Variants in ROR1 observed in about 807,000 individuals in gnomAD.
ROR1 encodes inactive tyrosine-protein kinase transmembrane receptor ROR1.
ROR1 carries 19 observed loss-of-function variants against 78.8 expected under a neutral mutation model. That is an observed-to-expected ratio of 0.24 (90% CI 0.17 to 0.35). The LOEUF (loss-of-function observed/expected upper bound fraction) is 0.35, where lower values mean the gene tolerates loss of function less well. Among genes scored for constraint, ROR1 ranks in the 10% least tolerant of loss-of-function variants. ROR1 has a pLI of 1.00. For synonymous variants in ROR1, 386 were observed against 433.6 expected, an observed-to-expected ratio of 0.89 and a Z score of 1.36; for missense variants, 917 against 1,177.8, an observed-to-expected ratio of 0.78 and a Z score of 3.24.
At chr1:63,967,247 A>C (rs1646082778) in intron 1 of ROR1, among the ~76,000 whole-genome samples, 1 of 152,208 alleles carries the variant, frequency 6.6e-6, no homozygotes, top group Admixed American at 6.5e-5. Flanking sequence ...AATAAGTATA[A>C]GAATTTTTCA....
chr1:64,121,416 A>T (rs1648538411), intron 4 of ROR1, among the ~76,000 whole-genome samples: 1 of 152,082 alleles, frequency 6.6e-6, no homozygotes, highest in Non-Finnish European at 1.5e-5. Flanking sequence ...TACTATTAAA[A>T]TTGGGAGAGA....
intron 1 of ROR1, among the ~76,000 whole-genome samples, chr1:63,972,144 T>G (rs1364078444): frequency 6.6e-6 from 1 of 152,230 alleles, no homozygotes; most frequent in Admixed American, 6.5e-5. Flanking sequence ...CTCATGCCTG[T>G]TTTCCCTTTC....
intron 2 of ROR1, among the ~76,000 whole-genome samples, chr1:64,018,220 G>T (rs764197616): frequency 4.6e-5 from 7 of 152,086 alleles, no homozygotes; most frequent in African/African-American, 7.2e-5. Context: ...GACTTAAAAG[G>T]TCTGCTTGGC....
At chr1:63,983,073 A>C (rs568576003) in intron 1 of ROR1, among the ~76,000 whole-genome samples, 127 of 152,322 alleles carry the variant, frequency 8.3e-4, no homozygotes, top group Non-Finnish European at 1.4e-3. Context: ...CAACATAAGA[A>C]TAAAATGGTA....
At chr1:63,863,854 A>G (rs1645198834) in intron 1 of ROR1, among the ~76,000 whole-genome samples, 1 of 152,054 alleles carries the variant, frequency 6.6e-6, no homozygotes, top group South Asian at 2.1e-4. Context: ...CTTTGCAAAA[A>G]TAGCAGAAGT....
intron 1 of ROR1, among the ~76,000 whole-genome samples, chr1:63,960,095 C>T (rs1052097007): frequency 6.6e-6 from 1 of 152,194 alleles, no homozygotes; most frequent in African/African-American, 2.4e-5. Context: ...AGCCCATTTC[C>T]CCCAGGTAGA....
intron 4 of ROR1, among the ~76,000 whole-genome samples, chr1:64,051,797 G>A (rs945803150): frequency 3.3e-5 from 5 of 152,094 alleles, no homozygotes; most frequent in Admixed American, 6.5e-5. Flanking sequence ...GTAGACTTTT[G>A]AAATAAAATT....
chr1:64,042,475 G>A (rs1044475863), intron 2 of ROR1, among the ~76,000 whole-genome samples: 2 of 152,170 alleles, frequency 1.3e-5, no homozygotes, highest in South Asian at 2.1e-4. Flanking sequence ...CCATGCTCTT[G>A]GTTGGTGTGA....
chr1:64,079,812 G>T (rs918572442), intron 4 of ROR1, among the ~76,000 whole-genome samples: 1 of 146,844 alleles, frequency 6.8e-6, no homozygotes. Flanking sequence ...GATTTATGCA[G>T]TTTAAGAACT....
chr1:64,123,179 T>C (rs1336022356), intron 4 of ROR1, among the ~76,000 whole-genome samples: 1 of 152,184 alleles, frequency 6.6e-6, no homozygotes, highest in Non-Finnish European at 1.5e-5. Flanking sequence ...ATCATTTAAA[T>C]AAAACACATT....
At chr1:64,163,372 C>G (rs1337297798) in intron 8 of ROR1, among the ~76,000 whole-genome samples, 1 of 151,826 alleles carries the variant, frequency 6.6e-6, no homozygotes, top group Admixed American at 6.6e-5. Context: ...GAGCTAAGAT[C>G]ATGCCACTGC....
intron 1 of ROR1, among the ~76,000 whole-genome samples, chr1:63,786,427 C>G (rs2100229298): frequency 6.6e-6 from 1 of 151,754 alleles, no homozygotes; most frequent in Non-Finnish European, 1.5e-5. Context: ...CACCCGCCAC[C>G]ACGGCCAGCT....
intron 1 of ROR1, among the ~76,000 whole-genome samples, chr1:63,913,161 G>A (rs191453488): frequency 2.0e-5 from 3 of 152,072 alleles, no homozygotes; most frequent in Admixed American, 6.5e-5. Flanking sequence ...TGTAAATGTA[G>A]GAAACAAAAC....
chr1:64,069,636 T>G (rs1646986171), intron 4 of ROR1, among the ~76,000 whole-genome samples: 1 of 152,116 alleles, frequency 6.6e-6, no homozygotes, highest in Non-Finnish European at 1.5e-5. Context: ...TAAAATGTTA[T>G]TCTTTTAGAT....
intron 1 of ROR1, among the ~76,000 whole-genome samples, chr1:63,873,099 G>A (rs1486220454): frequency 3.3e-5 from 5 of 151,802 alleles, no homozygotes; most frequent in South Asian, 2.1e-4. Context: ...CCCCCAAATC[G>A]AGGTTGTAAG....
intron 2 of ROR1, among the ~76,000 whole-genome samples, chr1:64,029,756 G>T (rs1646644855): frequency 1.3e-5 from 2 of 152,082 alleles, no homozygotes; most frequent in South Asian, 4.1e-4. Flanking sequence ...TAAAAACCCT[G>T]TCTCCAAATA....
At chr1:63,780,338 G>A (rs914071199) in intron 1 of ROR1, among the ~76,000 whole-genome samples, 2 of 152,134 alleles carry the variant, frequency 1.3e-5, no homozygotes, top group African/African-American at 4.8e-5. Context: ...GGGAATGGGG[G>A]TTTGAATTGG....
intron 1 of ROR1, among the ~76,000 whole-genome samples, chr1:63,797,661 C>CA (rs1181147648): frequency 6.6e-6 from 1 of 152,148 alleles, no homozygotes; most frequent in African/African-American, 2.4e-5. Context: ...AGCAAATGAA[C>CA]ACGGTTTTGA....
intron 1 of ROR1, among the ~76,000 whole-genome samples, chr1:63,780,915 A>G (rs1644648086): frequency 6.6e-6 from 1 of 152,180 alleles, no homozygotes; most frequent in Non-Finnish European, 1.5e-5. Context: ...TATCCAAATA[A>G]TCTTGCTGAG....
Sources: allele counts gnomAD v4.1 joint callset (sites outside exome capture counted in the v4.1 genomes callset), GRCh38; gene constraint gnomAD v4.1.1; transcripts MANE v1.5; gene names NCBI Gene and HGNC (gene_info 2026-07-23, HGNC 2026-07-21).